Variants in RMDN1 observed in about 807,000 individuals in gnomAD.
RMDN1 encodes regulator of microtubule dynamics protein 1.
Under a neutral mutation model 48.9 loss-of-function variants are expected in RMDN1, and 48 were observed. The observed-to-expected ratio is 0.98, with a 90% CI of 0.78 to 1.25. The LOEUF is 1.25. Ranked by LOEUF, RMDN1 falls within the 50% of genes most tolerant of loss-of-function variation. The pLI, the probability that RMDN1 is intolerant of heterozygous loss-of-function variation, is 0.00. For synonymous variants in RMDN1, 148 were observed against 132.6 expected (o/e 1.12, Z -0.80); for missense variants, 418 against 373.4 (o/e 1.12, Z -0.98).
downstream of RMDN1, among the ~76,000 whole-genome samples, chr8:86,469,964 C>G (rs1045475761): frequency 2.0e-5 from 3 of 152,140 alleles, no homozygotes; most frequent in Non-Finnish European, 4.4e-5. Context: ...TTATTTTATA[C>G]ATGAGGAAAG....
intron 2 of RMDN1, among the ~76,000 whole-genome samples, chr8:86,493,004 T>TAA (rs571031080): frequency 6.3e-5 from 9 of 141,912 alleles, no homozygotes; most frequent in African/African-American, 1.5e-4. Context: ...ATCAATTCCT[T>TAA]AAAAAAAAAA....
chr8:86,489,867 T>C (rs1448536593), intron 2 of RMDN1, among the ~76,000 whole-genome samples: 1 of 151,912 alleles, frequency 6.6e-6, no homozygotes, highest in Non-Finnish European at 1.5e-5. Flanking sequence ...AGTTCTAGTT[T>C]TTAAAAAATT....
downstream of RMDN1, among the ~76,000 whole-genome samples, chr8:86,468,919 T>G (rs1812316261): frequency 6.6e-6 from 1 of 152,062 alleles, no homozygotes; most frequent in Non-Finnish European, 1.5e-5. Context: ...CGAAAGAAAT[T>G]AGGAGTGCAA....
intron 2 of RMDN1, among the ~76,000 whole-genome samples, chr8:86,493,693 AG>A (rs1200221076): frequency 6.6e-6 from 1 of 152,224 alleles, no homozygotes; most frequent in Admixed American, 6.5e-5. Flanking sequence ...TGATGCCACA[AG>A]TAGAAAATTC....
At chr8:86,508,389 C>G in intron 1 of RMDN1, 103 bp downstream of exon 1, 2 of 1,318,052 alleles carry the variant, frequency 1.5e-6, no homozygotes, top group Non-Finnish European at 2.0e-6. Flanking sequence ...CCTCGGTTCA[C>G]CACATTCCTT....
rs182771182 is a variant in RMDN1 at position 86,473,140 on chromosome 8, A to G, written c.*1168T>C. The G allele has an allele frequency of 3.0e-6, 3 of 985,352 alleles. No individual in the cohort carries two copies. The highest frequency in any genetic ancestry group is 2.3e-4 in the East Asian group (2 of 8,802). The allele number at this position is 985,352 out of a possible 1,614,324, so 61.0% of individuals were successfully genotyped here. On this transcript the variant is annotated 3_prime_UTR_variant, in exon 10 of 10. Coordinates refer to ENST00000406452, the MANE Select transcript of RMDN1 (RefSeq NM_016033.3). ...AAGAGATGGGTATACAAAGATCACT[A>G]CTTTCAGTTTTCCTTTTTGTTTGAA...
Position 86,472,594 on chromosome 8 carries a change from G to A in RMDN1, c.*1714C>T. On this transcript the variant is annotated 3_prime_UTR_variant, in exon 10 of 10. Coordinates refer to ENST00000406452, the MANE Select transcript of RMDN1 (RefSeq NM_016033.3). ...TTAACAGCTGATACAGGTTTCTGGTGATGCTACTGTTGCCTAGCTACCCTG... is the reference window on the plus strand; with the variant it reads ...TTAACAGCTGATACAGGTTTCTGGTAATGCTACTGTTGCCTAGCTACCCTG... 6 of 655,850 alleles carry A rather than the reference G, an allele frequency of 9.1e-6. No individual in the cohort carries two copies. The highest frequency in any genetic ancestry group is 6.9e-5 in the South Asian group (4 of 58,258). The allele number at this position is 655,850 out of a possible 1,614,324, so 40.6% of individuals were successfully genotyped here. A position where few individuals can be genotyped will look rare whatever the true frequency, so the allele number is the denominator to read the frequency against.
In RMDN1 at chr8:86,508,483, C is replaced by G; in HGVS notation, c.129+9G>C. On this transcript the variant is annotated intron_variant, in intron 1 of 9. Transcript: ENST00000406452. Reference sequence around the variant, plus strand: ...AAGTGAGGAGCGGGAGCCAGGACCACGGGGGTACCTCGAAGCCGCGGAATC... The same window carrying G: ...AAGTGAGGAGCGGGAGCCAGGACCAGGGGGGTACCTCGAAGCCGCGGAATC... The G allele has an allele frequency of 6.5e-7, 1 of 1,543,664 alleles. No individual in the cohort carries two copies. Among genetic ancestry groups the G allele is most frequent in the Non-Finnish European group, 8.7e-7 (1 of 1,144,742 alleles).
At chr8:86,486,381 T>C in intron 4 of RMDN1, 103 bp downstream of exon 4, 1 of 820,704 alleles carries the variant, frequency 1.2e-6, no homozygotes. Context: ...AAAAAAAAAC[T>C]TAAAATAGAG....
At chr8:86,504,093 T>C in intron 2 of RMDN1, 1 of 1,012,198 alleles carries the variant, frequency 9.9e-7, no homozygotes. Context: ...CCCAGATCTT[T>C]GGTCTGGAAT....
At chr8:86,495,683 C>G (rs1817223877) in intron 2 of RMDN1, among the ~76,000 whole-genome samples, 1 of 152,154 alleles carries the variant, frequency 6.6e-6, no homozygotes, top group African/African-American at 2.4e-5. Flanking sequence ...CAGTGGCCCC[C>G]ACCTTCCCAA....
intron 2 of RMDN1, among the ~76,000 whole-genome samples, chr8:86,494,277 C>T (rs565977173): frequency 1.1e-4 from 16 of 152,230 alleles, no homozygotes; most frequent in African/African-American, 2.2e-4. Flanking sequence ...TTGTTGAGGC[C>T]GGGTGCAGTG....
chr8:86,504,031 G>C (rs991752241), intron 2 of RMDN1: 5 of 794,908 alleles, frequency 6.3e-6, no homozygotes, highest in Non-Finnish European at 1.2e-5. Flanking sequence ...TGCCCTGCAG[G>C]GTACCTTTGG....
Position 86,486,591 on chromosome 8 carries a change from G to T in RMDN1, c.388C>A (p.Gln130Lys), listed in dbSNP as rs139575643. Reference protein sequence around the residue: ...RLARASRDVAQLSRTSEEEKK... With the variant: ...RLARASRDVAKLSRTSEEEKK... Reference sequence around the variant, plus strand: ...TCCTCTTCTGAGGTTCTGCTAAGCTGAGCTACATCACGTGATGCCCGTGCC... The same window carrying T: ...TCCTCTTCTGAGGTTCTGCTAAGCTTAGCTACATCACGTGATGCCCGTGCC... The change falls in exon 4 of 10, where the codon CAG (glutamine) becomes AAG (lysine). Residue 130 changes from glutamine (Q) to lysine (K), a missense_variant. Physicochemically the swap from Gln to Lys is moderately conservative, Grantham distance 53. Transcript: ENST00000406452. 5.9e-5 allele frequency: 95 copies of T among 1,612,270 alleles called. No individual in the cohort carries two copies. In the African/African-American group the frequency reaches 1.2e-3, roughly 20 times the overall value.
chr8:86,501,777 CCTAA>C (rs1197077788), intron 2 of RMDN1, among the ~76,000 whole-genome samples: 7 of 151,976 alleles, frequency 4.6e-5, no homozygotes, highest in East Asian at 3.9e-4. Flanking sequence ...TAAGACTTGT[CCTAA>C]CTATTTTATA....
intron 5 of RMDN1, chr8:86,482,616 G>T (rs1814716268): frequency 2.6e-6 from 2 of 764,090 alleles, no homozygotes; most frequent in Admixed American, 1.7e-5. Context: ...CCACATCACT[G>T]AAGCCTCCCA....
At chr8:86,488,182 A>T (rs765969137) in intron 3 of RMDN1, among the ~76,000 whole-genome samples, 1 of 152,206 alleles carries the variant, frequency 6.6e-6, no homozygotes, top group Non-Finnish European at 1.5e-5. Flanking sequence ...CCTACATCTC[A>T]GTGAATTCAT....
chr8:86,478,922 C>A lies in RMDN1; in HGVS notation c.729+1G>T. ...TAACTTAACAAAGGACATCATACTA[C>A]CTTCTCATAGGTGGAACTAGGAGGA... On this transcript the variant is annotated splice_donor_variant, in intron 7 of 9. Transcript: ENST00000406452. LOFTEE classifies it high-confidence loss of function. 5.6e-6 allele frequency: 9 copies of A among 1,610,042 alleles called. No individual in the cohort carries two copies. Among genetic ancestry groups the A allele is most frequent in the Non-Finnish European group, 7.7e-6 (9 of 1,176,350 alleles).
In RMDN1 at chr8:86,508,678, G is replaced by C. The variant is rs553696680; in HGVS notation, c.-58C>G. The C allele has an allele frequency of 2.7e-6, 4 of 1,489,178 alleles. No individual in the cohort carries two copies. Among genetic ancestry groups the C allele is most frequent in the Non-Finnish European group, 3.6e-6 (4 of 1,124,532 alleles). The allele number at this position is 1,489,178 out of a possible 1,614,324, so 92.2% of individuals were successfully genotyped here. ...TTCAGGCAGCTACGGAGGCGGGCGG[G>C]GCTAAAGGAGATTCAATCCTTCCGG... On this transcript the variant is annotated 5_prime_UTR_variant, in exon 1 of 10. Transcript: ENST00000406452.
Sources: allele counts gnomAD v4.1 joint callset (sites outside exome capture counted in the v4.1 genomes callset), GRCh38; gene constraint gnomAD v4.1.1; transcripts MANE v1.5; gene names NCBI Gene and HGNC (gene_info 2026-07-23, HGNC 2026-07-21).